ATP6V1A: variants seen among roughly 807,000 people sequenced by gnomAD.
ATP6V1A encodes V-type proton ATPase catalytic subunit A.
A neutral mutation model predicts 70.1 loss-of-function variants in ATP6V1A; 18 were observed. The observed-to-expected ratio is 0.26, with a 90% CI of 0.18 to 0.38. ATP6V1A has a LOEUF of 0.38. Among genes scored for constraint, ATP6V1A ranks in the 10% least tolerant of loss-of-function variants. The pLI is 1.00. For synonymous variants in ATP6V1A, 232 were observed against 253.8 expected (o/e 0.91, Z 0.82); for missense variants, 424 against 772.4 (o/e 0.55, Z 5.35).
intron 1 of ATP6V1A, among the ~76,000 whole-genome samples, chr3:113,758,783 TCTA>T (rs768629368): frequency 3.9e-5 from 6 of 152,250 alleles, no homozygotes; most frequent in Admixed American, 6.5e-5. Flanking sequence ...ATTTTACAGT[TCTA>T]CTAGCAATAT....
chr3:113,797,403 G>A (rs1393196118), intron 11 of ATP6V1A, among the ~76,000 whole-genome samples: 8 of 150,998 alleles, frequency 5.3e-5, no homozygotes, highest in Non-Finnish European at 1.0e-4. Flanking sequence ...ACAGGCATGC[G>A]CCACCACCAC....
intron 8 of ATP6V1A, among the ~76,000 whole-genome samples, chr3:113,794,444 A>C (rs966969682): frequency 6.6e-6 from 1 of 152,200 alleles, no homozygotes; most frequent in Non-Finnish European, 1.5e-5. Flanking sequence ...ATATTTGCTC[A>C]ATATAATAGA....
intron 7 of ATP6V1A, 146 bp downstream of exon 7, chr3:113,789,021 A>T (rs1031687124): frequency 1.3e-6 from 1 of 742,930 alleles, no homozygotes; most frequent in Non-Finnish European, 2.1e-6. Flanking sequence ...ATTTGTAATT[A>T]ATCTGTATAT....
intron 8 of ATP6V1A, among the ~76,000 whole-genome samples, chr3:113,794,300 G>T (rs1438392684): frequency 1.3e-5 from 2 of 152,186 alleles, no homozygotes; most frequent in East Asian, 1.9e-4. Context: ...GTGATATATA[G>T]AGAGAAGCTA....
intron 14 of ATP6V1A, 53 bp downstream of exon 14, chr3:113,805,578 C>CT (rs547136777): frequency 7.6e-3 from 9,650 of 1,269,038 alleles, no homozygotes; most frequent in Non-Finnish European, 8.3e-3. Context: ...TTCTTTTTTT[C>CT]TTTTTTTTTT....
chr3:113,753,938 A>C (rs1199574165), intron 1 of ATP6V1A, among the ~76,000 whole-genome samples: 2 of 152,168 alleles, frequency 1.3e-5, no homozygotes, highest in African/African-American at 4.8e-5. Flanking sequence ...AAAAAAATAC[A>C]AAGTACAGAG....
In ATP6V1A at chr3:113,788,067, G is replaced by A. The variant is rs564666822; in HGVS notation, c.717-646G>A. On this transcript the variant is annotated intron_variant, in intron 6 of 14. Coordinates refer to ENST00000273398, the MANE Select transcript of ATP6V1A (RefSeq NM_001690.4). ...TTCTGAATAGCTAGGCCATGGGCAT[G>A]CACCACCATGCCCTTCTAATTTCTA... 9.9e-5 allele frequency among the ~76,000 whole-genome samples: 15 copies of A among 152,266 alleles called. 2 individuals are homozygous for A. The highest frequency in any genetic ancestry group is 3.4e-4 in the African/African-American group (14 of 41,562).
At chr3:113,798,469 A>C in intron 12 of ATP6V1A, 23 bp downstream of exon 12, 1 of 1,611,974 alleles carries the variant, frequency 6.2e-7, no homozygotes. Context: ...ATTCCATGGA[A>C]GATAGATCTG....
In ATP6V1A at chr3:113,798,375, C is replaced by T. The variant is rs754996622; in HGVS notation, c.1423C>T (p.Leu475=). ...CAAACACTTCACAGAGTTCGTTCCT[C>T]TGAGGACGAAAGCTAAGGAAATTCT... ...YDKHFTEFVP[L]RTKAKEILQE... The change falls in exon 12 of 15, where the codon CTG becomes TTG. Residue 475 remains leucine (L), a synonymous_variant. Transcript: ENST00000273398. The T allele has an allele frequency of 1.8e-5, 29 of 1,613,770 alleles. No homozygotes were observed. The highest frequency in any genetic ancestry group is 2.3e-5 in the Non-Finnish European group (27 of 1,179,936).
Position 113,784,401 on chromosome 3 carries a change from A to G in ATP6V1A, c.389A>G (p.Asp130Gly), listed in dbSNP as rs570912378. 3.7e-6 allele frequency: 6 copies of G among 1,614,168 alleles called. 1 individual carries two copies. The South Asian group carries it at 6.6e-5, about 18-fold the overall frequency. The change falls in exon 4 of 15, where the codon GAT becomes GGT. Residue 130 changes from aspartate to glycine, a missense_variant. Physicochemically the swap from Asp to Gly is moderately conservative, Grantham distance 94 (BLOSUM62 -1). Coordinates refer to ENST00000273398, the MANE Select transcript of ATP6V1A (RefSeq NM_001690.4). The part of the protein sequence containing the change: ...RGVNVSALSR[D>G]IKWDFTPCKN... ...GTAAACGTGTCTGCTCTTAGCAGAGATATCAAATGGGACTTTACACCTTGC... is the reference window on the plus strand; with the variant it reads ...GTAAACGTGTCTGCTCTTAGCAGAGGTATCAAATGGGACTTTACACCTTGC...
chr3:113,760,924 G>T (rs1271502041), intron 1 of ATP6V1A, among the ~76,000 whole-genome samples: 1 of 151,906 alleles, frequency 6.6e-6, no homozygotes, highest in Non-Finnish European at 1.5e-5. Context: ...AAAATTAGCT[G>T]GGCATGGTGG....
chr3:113,795,243 G>A, intron 10 of ATP6V1A, 39 bp downstream of exon 10: 2 of 1,589,792 alleles, frequency 1.3e-6, no homozygotes, highest in Non-Finnish European at 1.7e-6. Context: ...AAGGAAAAAA[G>A]TCACAGATGT....
intron 1 of ATP6V1A, among the ~76,000 whole-genome samples, chr3:113,748,725 G>T (rs538976479): frequency 1.3e-5 from 2 of 152,336 alleles, no homozygotes; most frequent in South Asian, 2.1e-4. Context: ...TAACCTCGGA[G>T]ATGTTGCTTT....
chr3:113,749,027 T>C (rs1417534070), intron 1 of ATP6V1A, among the ~76,000 whole-genome samples: 1 of 152,138 alleles, frequency 6.6e-6, no homozygotes, highest in East Asian at 1.9e-4. Context: ...CCTGTCTGGC[T>C]GAGACCAAAA....
In ATP6V1A at chr3:113,747,071, G is replaced by T. The variant is rs1016420206; in HGVS notation, c.-56G>T. On this transcript the variant is annotated 5_prime_UTR_variant, in exon 1 of 15. Coordinates refer to ENST00000273398, the MANE Select transcript of ATP6V1A (RefSeq NM_001690.4). ...CTTCCCCTCCGTGGTGACAGCCTCT[G>T]GGTCCTCGGTCGGTACAGTCTCTGC... is the stretch of plus-strand genomic sequence containing the variant. The T allele has an allele frequency of 7.7e-6, 1 of 130,258 alleles. No individual in the cohort carries two copies. The highest frequency in any genetic ancestry group is 1.5e-5 in the Non-Finnish European group (1 of 65,340). 8.1% of individuals were successfully genotyped at this position (130,258 alleles called of 1,614,324 possible).
intron 1 of ATP6V1A, among the ~76,000 whole-genome samples, chr3:113,767,481 T>C (rs188115011): frequency 2.5e-4 from 38 of 152,292 alleles, no homozygotes; most frequent in African/African-American, 9.1e-4. Flanking sequence ...GAAAATGATA[T>C]AATACGCACT....
intron 1 of ATP6V1A, among the ~76,000 whole-genome samples, chr3:113,765,834 G>A (rs1181460992): frequency 6.6e-6 from 1 of 151,680 alleles, no homozygotes; most frequent in African/African-American, 2.4e-5. Context: ...GGCTGAGACA[G>A]GAGAATCGCA....
chr3:113,749,058 A>G (rs1378842988), intron 1 of ATP6V1A, among the ~76,000 whole-genome samples: 2 of 152,170 alleles, frequency 1.3e-5, no homozygotes, highest in African/African-American at 2.4e-5. Flanking sequence ...AAAACCAGCT[A>G]GAAGCATTGA....
intron 1 of ATP6V1A, among the ~76,000 whole-genome samples, chr3:113,748,085 T>C (rs1559745789): frequency 1.3e-5 from 2 of 152,202 alleles, no homozygotes; most frequent in Non-Finnish European, 2.9e-5. Context: ...TTGATCGGCT[T>C]TGTGGTAAAT....
Sources: allele counts gnomAD v4.1 joint callset (sites outside exome capture counted in the v4.1 genomes callset), GRCh38; gene constraint gnomAD v4.1.1; transcripts MANE v1.5; gene names NCBI Gene and HGNC (gene_info 2026-07-23, HGNC 2026-07-21).